Variants in CALR observed in about 807,000 individuals in gnomAD.
CALR encodes calreticulin.
Under a neutral mutation model 51.1 loss-of-function variants are expected in CALR, and 15 were observed. The ratio of observed to expected loss-of-function variants is 0.29; its 90% CI spans 0.20 to 0.45. CALR has a LOEUF of 0.45. Ranked by LOEUF, CALR falls within the 20% of genes least tolerant of loss-of-function variation. The pLI, the probability that CALR is intolerant of heterozygous loss-of-function variation, is 1.00. For missense variants in CALR, 477 were observed against 530.6 expected (o/e 0.90, Z 0.99); for synonymous variants, 239 against 205.9 (o/e 1.16, Z -1.38).
chr19:12,943,292 G>A (rs1971573960), intron 7 of CALR: 1 of 521,400 alleles, frequency 1.9e-6, no homozygotes, highest in Non-Finnish European at 3.5e-6. Flanking sequence ...CACCGTGTTA[G>A]CCAGGGTGGT....
intron 7 of CALR, among the ~76,000 whole-genome samples, chr19:12,942,530 G>A (rs1971562859): frequency 6.6e-6 from 1 of 151,910 alleles, no homozygotes; most frequent in Admixed American, 6.6e-5. Flanking sequence ...CCAAGGTCAT[G>A]GGGGTAGGAA....
intron 7 of CALR, among the ~76,000 whole-genome samples, chr19:12,941,569 C>T (rs1299128904): frequency 1.3e-5 from 2 of 151,076 alleles, no homozygotes; most frequent in Non-Finnish European, 2.9e-5. Context: ...CACGACCCCC[C>T]AGGTTCACTC....
Position 12,943,642 on chromosome 19 carries a change from C to G in CALR, c.1053+13C>G. On this transcript the variant is annotated intron_variant, in intron 8 of 8. Transcript: ENST00000316448. Reference sequence around the variant, plus strand: ...GGGCGTAACAAAGGTGAGGCCTGGTCCTGGTCCTGATGTCGGGGGCGGGCA... The same window carrying G: ...GGGCGTAACAAAGGTGAGGCCTGGTGCTGGTCCTGATGTCGGGGGCGGGCA... The G allele has an allele frequency of 6.2e-7, 1 of 1,614,144 alleles. No individual in the cohort carries two copies. Among genetic ancestry groups the G allele is most frequent in the South Asian group, 1.1e-5 (1 of 91,080 alleles).
rs76337616 is a variant in CALR at position 12,939,219 on chromosome 19, C to T, written c.177C>T (p.Asp59=). ...TCAGTTCCGGCAAGTTCTACGGTGACGAGGAGAAAGATAAAGGTAAGAGCC... is the reference window on the plus strand; with the variant it reads ...TCAGTTCCGGCAAGTTCTACGGTGATGAGGAGAAAGATAAAGGTAAGAGCC... The part of the protein sequence containing the change: ...FVLSSGKFYG[D]EEKDKGLQTS... Residue 59 remains aspartate (D), a synonymous_variant, in exon 2 of 9, where the codon GAC becomes GAT. Coordinates refer to ENST00000316448, the MANE Select transcript of CALR (RefSeq NM_004343.4). The T allele has an allele frequency of 4.8e-5, 78 of 1,609,460 alleles. No homozygotes were observed. In the Admixed American group the frequency reaches 5.1e-4, roughly 10 times the overall value.
rs554157386 is a variant in CALR, at chr19:12,944,276, C to T, written c.*363C>T. ...CAGGCCTGAGATTTCATCTGCTCTC[C>T]TTCCTGGAGCCCAGAGGAGGGCAGC... On this transcript the variant is annotated 3_prime_UTR_variant, in exon 9 of 9. Coordinates refer to ENST00000316448, the MANE Select transcript of CALR (RefSeq NM_004343.4). The T allele has an allele frequency of 1.6e-4, 64 of 411,912 alleles. 2 individuals carry two copies. Among genetic ancestry groups the T allele is most frequent in the South Asian group, 1.5e-3 (59 of 40,100 alleles). 25.5% of individuals were successfully genotyped at this position (411,912 alleles called of 1,614,324 possible). A position where few individuals can be genotyped will look rare whatever the true frequency, so the allele number is the denominator to read the frequency against.
Position 12,940,371 on chromosome 19 carries a change from G to A in CALR, c.621G>A (p.Lys207=), listed in dbSNP as rs1408057401. The A allele has an allele frequency of 6.2e-7, 1 of 1,614,180 alleles. No individual in the cohort carries two copies. Among genetic ancestry groups the A allele is most frequent in the Admixed American group, 1.7e-5 (1 of 60,014 alleles). Residue 207 remains lysine, a synonymous_variant, in exon 5 of 9, where the codon AAG becomes AAA. Coordinates refer to ENST00000316448, the MANE Select transcript of CALR (RefSeq NM_004343.4). ...ATTGGGACTTCCTGCCACCCAAGAAGATAAAGGATCCTGATGCTTCAAAAC... is the reference window on the plus strand; with the variant it reads ...ATTGGGACTTCCTGCCACCCAAGAAAATAAAGGATCCTGATGCTTCAAAAC... ...EDDWDFLPPK[K]IKDPDASKPE... is the part of the protein sequence containing the mutation.
rs750961102 is a variant in CALR at position 12,943,609 on chromosome 19, G to A, written c.1033G>A (p.Glu345Lys). The A allele has an allele frequency of 5.6e-6, 9 of 1,614,034 alleles. No individual in the cohort carries two copies. Among genetic ancestry groups the A allele is most frequent in the African/African-American group, 4.0e-5 (3 of 74,898 alleles). Residue 345 changes from glutamate to lysine, a missense_variant, in exon 8 of 9, where the codon GAG becomes AAG. Physicochemically the swap from Glu to Lys is moderately conservative, Grantham distance 56. Coordinates refer to ENST00000316448, the MANE Select transcript of CALR (RefSeq NM_004343.4). ...DEAYAEEFGN[E>K]TWGVTKAAEK... ...GGCATACGCTGAGGAGTTTGGCAAC[G>A]AGACGTGGGGCGTAACAAAGGTGAG...
intron 7 of CALR, chr19:12,943,195 C>G: frequency 3.0e-6 from 1 of 337,138 alleles, no homozygotes; most frequent in South Asian, 2.5e-5. Context: ...CATCATTCTC[C>G]TGTCTCAGCC....
In CALR at chr19:12,940,850, A is replaced by T; in HGVS notation, c.923A>T (p.Tyr308Phe). 1 of 1,614,068 alleles carries T rather than the reference A, an allele frequency of 6.2e-7. No homozygotes were observed. Among genetic ancestry groups the T allele is most frequent in the Non-Finnish European group, 8.5e-7 (1 of 1,179,974 alleles). The change falls in exon 7 of 9, where the codon TAT (tyrosine) becomes TTT (phenylalanine). Residue 308 changes from tyrosine (Y) to phenylalanine (F), a missense_variant. Coordinates refer to ENST00000316448, the MANE Select transcript of CALR (RefSeq NM_004343.4). ...EYSPDPSIYAYDNFGVLGLDL... is the reference protein window; with the variant it reads ...EYSPDPSIYAFDNFGVLGLDL... ...TCTCCCGATCCCAGTATCTATGCCT[A>T]TGATAACTTTGGCGTGCTGGGCCTG...
chr19:12,938,818 C>A (rs764890684), intron 1 of CALR, 48 bp downstream of exon 1: 1 of 1,391,712 alleles, frequency 7.2e-7, no homozygotes, highest in Non-Finnish European at 1.0e-6. Flanking sequence ...GCGGCCGGCC[C>A]CCGATCCTGG....
chr19:12,940,157 G>A lies in CALR; in HGVS notation c.492+10G>A, dbSNP rs762806828. The A allele has an allele frequency of 4.3e-6, 7 of 1,613,152 alleles. No individual in the cohort carries two copies. The African/African-American group carries it at 8.0e-5, about 18-fold the overall frequency. ...GGACATCCGTTGCAAGGTGTGCCTGGGGGTGGTGGCAAATGGCTGTCATGG... is the reference window on the plus strand; with the variant it reads ...GGACATCCGTTGCAAGGTGTGCCTGAGGGTGGTGGCAAATGGCTGTCATGG... On this transcript the variant is annotated intron_variant, in intron 4 of 8. Coordinates refer to ENST00000316448, the MANE Select transcript of CALR (RefSeq NM_004343.4).
chr19:12,940,257 A>T lies in CALR; in HGVS notation c.507A>T (p.Thr169=), dbSNP rs187996595. Residue 169 remains threonine, a synonymous_variant, in exon 5 of 9, where the codon ACA becomes ACT. Transcript: ENST00000316448. The part of the protein sequence containing the change: ...KDIRCKDDEF[T]HLYTLIVRPD... Reference sequence around the variant, plus strand: ...TCCTTCTTCAGGATGATGAGTTTACACACCTGTACACACTGATTGTGCGGC... The same window carrying T: ...TCCTTCTTCAGGATGATGAGTTTACTCACCTGTACACACTGATTGTGCGGC... The T allele has an allele frequency of 6.2e-4, 998 of 1,614,196 alleles. No homozygotes were observed. The highest frequency in any genetic ancestry group is 8.1e-4 in the Non-Finnish European group (951 of 1,180,028).
intron 8 of CALR, 36 bp from the exon 9 acceptor site, chr19:12,943,676 AG>A: frequency 6.2e-7 from 1 of 1,614,050 alleles, no homozygotes; most frequent in Non-Finnish European, 8.5e-7. Flanking sequence ...CAGGGCTGGC[AG>A]GGGGCAAGGC....
chr19:12,940,879 C>A lies in CALR; in HGVS notation c.952C>A (p.Leu318Ile). ...TAACTTTGGCGTGCTGGGCCTGGAC[C>A]TCTGGCAGGTGAGACTTGGAGGAAA... ...YDNFGVLGLD[L>I]WQVKSGTIFD... The change falls in exon 7 of 9, where the codon CTC (leucine) becomes ATC (isoleucine). Residue 318 changes from leucine (L) to isoleucine (I), a missense_variant. By Grantham distance (5) the Leu-to-Ile change is conservative. Transcript: ENST00000316448. 1 of 1,614,062 alleles carries A rather than the reference C, an allele frequency of 6.2e-7. No homozygotes were observed. The highest frequency in any genetic ancestry group is 8.5e-7 in the Non-Finnish European group (1 of 1,179,954).
chr19:12,943,047 C>T (rs1971569688), intron 7 of CALR, among the ~76,000 whole-genome samples: 1 of 151,268 alleles, frequency 6.6e-6, no homozygotes, highest in African/African-American at 2.4e-5. Context: ...TGAGCCCGTC[C>T]CGTCCCTGGC....
At position 12,938,745 on chromosome 19, in the gene CALR, C is replaced by T; in HGVS notation, c.66C>T (p.Tyr22=). The part of the protein sequence containing the change: ...LGLAVAEPAV[Y]FKEQFLDGDG... ...TGGCCGTCGCCGAGCCTGCCGTCTACTTCAAGGAGCAGTTTCTGGACGGAG... is the reference window on the plus strand; with the variant it reads ...TGGCCGTCGCCGAGCCTGCCGTCTATTTCAAGGAGCAGTTTCTGGACGGAG... Residue 22 remains tyrosine, a synonymous_variant, in exon 1 of 9, where the codon TAC becomes TAT. Transcript: ENST00000316448. 6.2e-7 allele frequency: 1 copy of T among 1,611,502 alleles called. No homozygotes were observed. Among genetic ancestry groups the T allele is most frequent in the Non-Finnish European group, 8.5e-7 (1 of 1,179,284 alleles).
Position 12,944,067 on chromosome 19 carries a change from T to G in CALR, c.*154T>G. On this transcript the variant is annotated 3_prime_UTR_variant, in exon 9 of 9. Coordinates refer to ENST00000316448, the MANE Select transcript of CALR (RefSeq NM_004343.4). ...TTTTGGTTTTGTTCCCCTCCTCCAC[T>G]CTCCCCCACCCCCTCCCCGCCCTTT... The G allele has an allele frequency of 8.6e-7, 1 of 1,158,052 alleles. No homozygotes were observed. The highest frequency in any genetic ancestry group is 1.2e-6 in the Non-Finnish European group (1 of 806,766). The allele number at this position is 1,158,052 out of a possible 1,614,324, so 71.7% of individuals were successfully genotyped here.
In CALR at chr19:12,940,057, C is replaced by T. The variant is rs371325705; in HGVS notation, c.402C>T (p.Pro134=). The change falls in exon 4 of 9, where the codon CCC becomes CCT. Residue 134 remains proline, a synonymous_variant. Coordinates refer to ENST00000316448, the MANE Select transcript of CALR (RefSeq NM_004343.4). The stretch of plus-strand genomic sequence containing the variant: ...CTGGATCTGCTTCACACCTAGGTCC[C>T]GACATCTGTGGCCCTGGCACCAAGA... ...GDSEYNIMFG[P]DICGPGTKKV... is the part of the protein sequence containing the mutation. 106 of 1,612,458 alleles carry T rather than the reference C, an allele frequency of 6.6e-5. 1 individual carries two copies. Among genetic ancestry groups the T allele is most frequent in the African/African-American group, 2.0e-4 (15 of 74,842 alleles).
intron 3 of CALR, 82 bp downstream of exon 3, chr19:12,939,713 T>A (rs1971519874): frequency 8.1e-7 from 1 of 1,228,968 alleles, no homozygotes; most frequent in Admixed American, 1.7e-5. Flanking sequence ...TTAATAATGA[T>A]TTTTTTTGGA....
Sources: allele counts gnomAD v4.1 joint callset (sites outside exome capture counted in the v4.1 genomes callset), GRCh38; gene constraint gnomAD v4.1.1; transcripts MANE v1.5; gene names NCBI Gene and HGNC (gene_info 2026-07-23, HGNC 2026-07-21).